Variants in VRK2 observed in about 807,000 individuals in gnomAD.
VRK2 encodes serine/threonine-protein kinase VRK2.
A neutral mutation model predicts 57.6 loss-of-function variants in VRK2; 60 were observed. That is an observed-to-expected ratio of 1.04 (90% CI 0.85 to 1.29). The LOEUF is 1.29. VRK2 is among the 50% of genes most tolerant of loss of function. The probability of loss-of-function intolerance (pLI) is 0.00; values close to 1 mark genes in which losing one functional copy is unlikely to be tolerated. For missense variants in VRK2, 705 were observed against 588.1 expected, an observed-to-expected ratio of 1.20 and a Z score of -2.06; for synonymous variants, 231 against 199.2, an observed-to-expected ratio of 1.16 and a Z score of -1.35.
chr2:58,083,659 A>G (rs554213151), intron 2 of VRK2, among the ~76,000 whole-genome samples: 2 of 151,830 alleles, frequency 1.3e-5, no homozygotes, highest in African/African-American at 4.8e-5. Flanking sequence ...TTTCTGAATC[A>G]TTATGAGTTC....
intron 1 of VRK2, among the ~76,000 whole-genome samples, chr2:57,971,441 G>T (rs1231526105): frequency 6.6e-6 from 1 of 151,862 alleles, no homozygotes; most frequent in Non-Finnish European, 1.5e-5. Flanking sequence ...GGTAATGATG[G>T]TAACTCCCTT....
At chr2:58,051,498 G>C (rs144869512) in intron 2 of VRK2, among the ~76,000 whole-genome samples, 126 of 152,208 alleles carry the variant, frequency 8.3e-4, no homozygotes, top group African/African-American at 2.8e-3. Flanking sequence ...TCATGTTTTT[G>C]CATTTTATCA....
chr2:58,129,550 C>T, intron 8 of VRK2, among the ~76,000 whole-genome samples: 1 of 152,144 alleles, frequency 6.6e-6, no homozygotes, highest in East Asian at 1.9e-4. Flanking sequence ...CATTAATAGT[C>T]TCAGACTATA....
At chr2:57,956,790 A>G (rs1671600168) in intron 1 of VRK2, among the ~76,000 whole-genome samples, 1 of 152,198 alleles carries the variant, frequency 6.6e-6, no homozygotes, top group South Asian at 2.1e-4. Flanking sequence ...TGAAGCTTTC[A>G]GAAGAGTCTC....
intron 1 of VRK2, among the ~76,000 whole-genome samples, chr2:57,991,495 G>A (rs1316553830): frequency 6.6e-6 from 1 of 152,126 alleles, no homozygotes; most frequent in African/African-American, 2.4e-5. Context: ...GGCTAACAAA[G>A]TCTAAGGGAA....
At chr2:58,100,285 A>T (rs1368713816) in intron 7 of VRK2, among the ~76,000 whole-genome samples, 12 of 151,990 alleles carry the variant, frequency 7.9e-5, no homozygotes, top group Non-Finnish European at 1.6e-4. Context: ...ATTTAGAAGT[A>T]GTGTTTCTTG....
chr2:57,984,972 A>C (rs1284007377), intron 1 of VRK2, among the ~76,000 whole-genome samples: 1 of 151,916 alleles, frequency 6.6e-6, no homozygotes, highest in Non-Finnish European at 1.5e-5. Context: ...TAACAACTAA[A>C]AAAAAATGTT....
At chr2:58,046,516 T>C, upstream of VRK2, 1 of 985,546 alleles carries the variant, frequency 1.0e-6, no homozygotes, top group African/African-American at 1.7e-5. Flanking sequence ...GTCGTGCTTA[T>C]TTCGTACCAA....
chr2:58,157,190 G>T (rs1684013947), intron 12 of VRK2, among the ~76,000 whole-genome samples: 1 of 152,134 alleles, frequency 6.6e-6, no homozygotes, highest in Non-Finnish European at 1.5e-5. Flanking sequence ...TTATTTATGG[G>T]TTTTCACAGC....
chr2:58,134,908 C>T (rs1558681240), intron 9 of VRK2, among the ~76,000 whole-genome samples: 1 of 152,106 alleles, frequency 6.6e-6, no homozygotes, highest in Admixed American at 6.5e-5. Flanking sequence ...AGAGATCACA[C>T]CTTTCTGCCC....
At chr2:58,144,503 A>T (rs1443100196) in intron 11 of VRK2, among the ~76,000 whole-genome samples, 1 of 151,930 alleles carries the variant, frequency 6.6e-6, no homozygotes, top group African/African-American at 2.4e-5. Context: ...TATACCTTAT[A>T]TATTTTTATT....
chr2:58,008,495 G>A (rs921719686), intron 1 of VRK2, among the ~76,000 whole-genome samples: 1 of 151,898 alleles, frequency 6.6e-6, no homozygotes, highest in African/African-American at 2.4e-5. Context: ...CTATTTAAAG[G>A]TTTTTTTCCT....
At chr2:58,068,034 A>G (rs1055126716) in intron 2 of VRK2, among the ~76,000 whole-genome samples, 3 of 151,954 alleles carry the variant, frequency 2.0e-5, no homozygotes. Flanking sequence ...GGTTCAAGCA[A>G]TTCCCCTGCC....
intron 1 of VRK2, among the ~76,000 whole-genome samples, chr2:57,950,198 T>C (rs573106814): frequency 1.3e-5 from 2 of 152,318 alleles, no homozygotes. Context: ...AAACAATACA[T>C]TTTCCATGTA....
At chr2:58,079,793 A>G (rs921855364) in intron 2 of VRK2, among the ~76,000 whole-genome samples, 4 of 152,134 alleles carry the variant, frequency 2.6e-5, no homozygotes, top group African/African-American at 7.2e-5. Context: ...GATTCATTTC[A>G]TTGAAAATGA....
intron 1 of VRK2, among the ~76,000 whole-genome samples, chr2:57,933,313 T>TTG (rs1558500312): frequency 7.8e-6 from 1 of 128,698 alleles, no homozygotes; most frequent in African/African-American, 3.2e-5. Context: ...CTTTTTCTTT[T>TTG]TTTTTTTTTT....
At chr2:58,025,909 G>T (rs1296420062) in intron 2 of VRK2, 1 of 151,982 alleles carries the variant, frequency 6.6e-6, no homozygotes. Context: ...CATACTCCTA[G>T]TTTCTTTTCA....
chr2:58,008,476 G>A (rs1319240470), intron 1 of VRK2, among the ~76,000 whole-genome samples: 1 of 151,822 alleles, frequency 6.6e-6, no homozygotes, highest in Admixed American at 6.6e-5. Flanking sequence ...TAACAATAAT[G>A]CCTAATGTCT....
chr2:57,954,182 G>A (rs1329947038), intron 1 of VRK2, among the ~76,000 whole-genome samples: 1 of 151,964 alleles, frequency 6.6e-6, no homozygotes, highest in Non-Finnish European at 1.5e-5. Context: ...TGCATTTAGT[G>A]GGCTTTTCAA....
Sources: gnomAD v4.1 joint callset for allele counts (sites outside exome capture counted in the v4.1 genomes callset) on GRCh38, gnomAD v4.1.1 for gene constraint, MANE v1.5 for transcripts, NCBI Gene and HGNC (gene_info 2026-07-23, HGNC 2026-07-21) for gene names.